PARD3B: variants seen among roughly 807,000 people sequenced by gnomAD.
The protein encoded by PARD3B is par-3 family cell polarity regulator beta.
In PARD3B, 103 loss-of-function variants were observed where a neutral mutation model predicts 130.2. That is an observed-to-expected ratio of 0.79 (90% CI 0.67 to 0.93). The LOEUF (loss-of-function observed/expected upper bound fraction) is 0.93, where lower values mean the gene tolerates loss of function less well. Ranked by LOEUF, PARD3B falls within the 40% of genes least tolerant of loss-of-function variation. The probability of loss-of-function intolerance (pLI) is 0.00; values close to 1 mark genes in which losing one functional copy is unlikely to be tolerated. For missense variants in PARD3B, 1,609 were observed against 1,499.2 expected (o/e 1.07, Z -1.21); for synonymous variants, 583 against 553.2 (o/e 1.05, Z -0.76).
chr2:205,559,102 G>A (rs1346067449), intron 22 of PARD3B, among the ~76,000 whole-genome samples: 1 of 152,110 alleles, frequency 6.6e-6, no homozygotes, highest in Non-Finnish European at 1.5e-5. Flanking sequence ...CTACCCAGGT[G>A]GAGGCCTAAG....
At chr2:204,564,903 T>A (rs2031575807) in intron 1 of PARD3B, among the ~76,000 whole-genome samples, 2 of 152,232 alleles carry the variant, frequency 1.3e-5, no homozygotes, top group Non-Finnish European at 2.9e-5. Flanking sequence ...TTTTCTTGCT[T>A]AAAAATACAT....
intron 2 of PARD3B, among the ~76,000 whole-genome samples, chr2:204,822,049 G>A (rs2043381501): frequency 1.3e-5 from 2 of 152,126 alleles, no homozygotes. Context: ...CCTTAACTTG[G>A]CAATGTAAAT....
At position 205,121,990 on chromosome 2, in the gene PARD3B, A is replaced by C; in HGVS notation, c.1165+41A>C. 1 of 1,499,812 alleles carries C rather than the reference A, an allele frequency of 6.7e-7. No homozygotes were observed. Among genetic ancestry groups the C allele is most frequent in the Non-Finnish European group, 9.0e-7 (1 of 1,105,690 alleles). The allele number at this position is 1,499,812 out of a possible 1,614,324, so 92.9% of individuals were successfully genotyped here. A position where few individuals can be genotyped will look rare whatever the true frequency, so the allele number is the denominator to read the frequency against. On this transcript the variant is annotated intron_variant, in intron 8 of 22. Coordinates refer to ENST00000406610, the MANE Select transcript of PARD3B (RefSeq NM_001302769.2). The surrounding 1 kb of genome is among the most constrained non-coding windows in gnomAD (Gnocchi z 5.0). ...TGCCTAATAGCATTCTATTATTGTA[A>C]CATGTAAAATTGGTTAAGAGAAATG... is the stretch of plus-strand genomic sequence containing the variant.
chr2:204,714,967 T>C (rs2038650006), intron 2 of PARD3B, among the ~76,000 whole-genome samples: 1 of 152,196 alleles, frequency 6.6e-6, no homozygotes, highest in African/African-American at 2.4e-5. Context: ...TCCTAAGCAA[T>C]AAGAGTTGAC....
At chr2:205,374,239 T>C (rs2105915205) in intron 18 of PARD3B, among the ~76,000 whole-genome samples, 1 of 151,936 alleles carries the variant, frequency 6.6e-6, no homozygotes, top group East Asian at 1.9e-4. Context: ...CACTTTATTA[T>C]TATTATTATT....
intron 2 of PARD3B, among the ~76,000 whole-genome samples, chr2:204,931,006 A>T (rs1687987841): frequency 6.6e-6 from 1 of 152,142 alleles, no homozygotes; most frequent in African/African-American, 2.4e-5. Flanking sequence ...AGAAAGTAAG[A>T]CAAGTTCTCT....
At chr2:205,166,550 A>C (rs2034830602) in intron 11 of PARD3B, among the ~76,000 whole-genome samples, 1 of 152,212 alleles carries the variant, frequency 6.6e-6, no homozygotes, top group South Asian at 2.1e-4. Context: ...TACTTTAAAA[A>C]TCTTGATTCA....
At chr2:204,699,297 A>G (rs1239052821) in intron 2 of PARD3B, among the ~76,000 whole-genome samples, 1 of 152,100 alleles carries the variant, frequency 6.6e-6, no homozygotes, top group Non-Finnish European at 1.5e-5. Context: ...ACGCTTGGAC[A>G]CTGAAAACAC....
chr2:205,386,487 A>G (rs1392061562), intron 18 of PARD3B, among the ~76,000 whole-genome samples: 3 of 152,196 alleles, frequency 2.0e-5, no homozygotes, highest in Non-Finnish European at 4.4e-5. Context: ...TGAGGATGTC[A>G]GTGAACAGAG....
intron 18 of PARD3B, among the ~76,000 whole-genome samples, chr2:205,377,763 A>ATTTTTTTT (rs3048124): frequency 4.3e-5 from 5 of 117,500 alleles, no homozygotes; most frequent in African/African-American, 3.7e-5. Flanking sequence ...GTGTAATCCA[A>ATTTTTTTT]TTTTTTTTTT....
At chr2:205,313,688 A>G (rs988940444) in intron 18 of PARD3B, among the ~76,000 whole-genome samples, 1 of 152,220 alleles carries the variant, frequency 6.6e-6, no homozygotes, top group African/African-American at 2.4e-5. Context: ...TGTGAATTAC[A>G]AAGAACACTG....
chr2:204,571,035 G>A (rs1327823021), intron 1 of PARD3B, among the ~76,000 whole-genome samples: 1 of 152,190 alleles, frequency 6.6e-6, no homozygotes, highest in African/African-American at 2.4e-5. Context: ...TAACTGAGGT[G>A]TATAAGCTGT....
At chr2:204,895,582 A>G (rs935444235) in intron 2 of PARD3B, among the ~76,000 whole-genome samples, 4 of 152,116 alleles carry the variant, frequency 2.6e-5, no homozygotes, top group Non-Finnish European at 2.9e-5. Flanking sequence ...TTATTGTTGC[A>G]TTAAATTGTT....
intron 18 of PARD3B, among the ~76,000 whole-genome samples, chr2:205,343,173 C>G (rs1559682268): frequency 6.6e-6 from 1 of 152,138 alleles, no homozygotes; most frequent in Non-Finnish European, 1.5e-5. Flanking sequence ...AAGCAATGCC[C>G]AAGTGACTAA....
rs1391704248 is a variant in PARD3B at position 205,404,470 on chromosome 2, T to C, written c.2741+3347T>C. On this transcript the variant is annotated intron_variant, in intron 19 of 22. Coordinates refer to ENST00000406610, the MANE Select transcript of PARD3B (RefSeq NM_001302769.2). ...CCCCATGGATACCAAGTGACAACTCTCTTTGAACACTTGATATCCAAAACC... is the reference window on the plus strand; with the variant it reads ...CCCCATGGATACCAAGTGACAACTCCCTTTGAACACTTGATATCCAAAACC... 2.0e-5 allele frequency among the ~76,000 whole-genome samples: 3 copies of C among 152,328 alleles called. No individual in the cohort carries two copies. The East Asian group carries it at 5.8e-4, about 29-fold the overall frequency.
chr2:205,527,667 A>G (rs1405964590), intron 21 of PARD3B, among the ~76,000 whole-genome samples: 1 of 152,212 alleles, frequency 6.6e-6, no homozygotes, highest in Non-Finnish European at 1.5e-5. Flanking sequence ...AACCTTCATC[A>G]GGGTCTGTCT....
chr2:204,846,367 T>C (rs1011366441), intron 2 of PARD3B, among the ~76,000 whole-genome samples: 1 of 152,042 alleles, frequency 6.6e-6, no homozygotes, highest in Admixed American at 6.6e-5. Context: ...AAACAATGTG[T>C]AACTTTTGAT....
chr2:205,213,666 A>G (rs2125854418), intron 15 of PARD3B, among the ~76,000 whole-genome samples: 1 of 152,310 alleles, frequency 6.6e-6, no homozygotes, highest in East Asian at 1.9e-4. Context: ...TGAGTAGGAA[A>G]ATAGAATGAG....
chr2:205,197,074 T>TGTGTGAGA (rs1215097347), intron 15 of PARD3B, among the ~76,000 whole-genome samples: 2 of 143,864 alleles, frequency 1.4e-5, no homozygotes, highest in Non-Finnish European at 3.0e-5. Flanking sequence ...TGTGTGTGTG[T>TGTGTGAGA]GAGAGAGAGA....
Sources: gnomAD v4.1 joint callset for allele counts (sites outside exome capture counted in the v4.1 genomes callset) on GRCh38, gnomAD v4.1.1 for gene constraint, Gnocchi (gnomAD v3.1) non-coding constraint, MANE v1.5 for transcripts, NCBI Gene and HGNC (gene_info 2026-07-23, HGNC 2026-07-21) for gene names.